The following HAO1 variants were observed in gnomAD, a reference collection of about 807,000 sequenced individuals.
HAO1 encodes 2-Hydroxyacid oxidase 1.
In HAO1, 34 loss-of-function variants were observed where a neutral mutation model predicts 39.7. The ratio of observed to expected loss-of-function variants is 0.86; its 90% confidence interval spans 0.65 to 1.14. The LOEUF (loss-of-function observed/expected upper bound fraction) is 1.14. Ranked by LOEUF, HAO1 falls within the 50% of genes most tolerant of loss-of-function variation. HAO1 has a pLI of 0.00. For missense variants in HAO1, 479 were observed against 464.5 expected (o/e 1.03, Z -0.29); for synonymous variants, 172 against 173.2 (o/e 0.99, Z 0.05).
chr20:7,936,547 T>TGTGTGTGTGTGTGC (rs751822933), intron 1 of HAO1, among the ~76,000 whole-genome samples: 10 of 136,738 alleles, frequency 7.3e-5, no homozygotes, highest in African/African-American at 2.8e-4. Context: ...TGTGTGTGTG[T>TGTGTGTGTGTGTGC]TCGCGCGCGC....
chr20:7,929,909 G>A (rs1458221865), intron 2 of HAO1, among the ~76,000 whole-genome samples: 2 of 152,054 alleles, frequency 1.3e-5, no homozygotes, highest in Non-Finnish European at 2.9e-5. Flanking sequence ...TTAATAAGGT[G>A]GATTATTATT....
At chr20:7,895,094 G>A (rs2050190357) in intron 5 of HAO1, 39 bp downstream of exon 5, 2 of 1,233,384 alleles carry the variant, frequency 1.6e-6, no homozygotes, top group South Asian at 1.2e-5. Flanking sequence ...ATGGAAATGG[G>A]AACTCCAAAA....
chr20:7,897,582 C>T lies in HAO1; in HGVS notation c.722-2358G>A, dbSNP rs1213449927. On this transcript the variant is annotated intron_variant, in intron 4 of 7. Coordinates refer to ENST00000378789, the MANE Select transcript of HAO1 (RefSeq NM_017545.3). ...ATCTTTGAGAGCTCTTTTTTATATT[C>T]GACTTCCCCTTTTTTAAAAAAATCA... Among the ~76,000 whole-genome samples, 3 of 151,846 alleles carry T rather than the reference C, an allele frequency of 2.0e-5. No homozygotes were observed. In the East Asian group the frequency reaches 5.8e-4, roughly 29 times the overall value.
intron 3 of HAO1, among the ~76,000 whole-genome samples, chr20:7,909,034 C>T (rs1478790552): frequency 2.0e-5 from 3 of 152,004 alleles, no homozygotes; most frequent in African/African-American, 4.8e-5. Context: ...CTGCATGGCA[C>T]CCCACCCCCA....
chr20:7,936,784 T>C (rs935708819), intron 1 of HAO1, among the ~76,000 whole-genome samples: 1 of 151,952 alleles, frequency 6.6e-6, no homozygotes, highest in Non-Finnish European at 1.5e-5. Context: ...TACGTAAAAT[T>C]AGATAAAATC....
intron 1 of HAO1, among the ~76,000 whole-genome samples, chr20:7,936,542 G>GTGTGTGTGTGTGTGTA (rs2050411564): frequency 6.7e-6 from 1 of 148,558 alleles, no homozygotes; most frequent in Admixed American, 6.6e-5. Context: ...GTGTGTGTGT[G>GTGTGTGTGTGTGTGTA]TGTGTTCGCG....
chr20:7,898,291 C>T (rs1201560125), intron 4 of HAO1, among the ~76,000 whole-genome samples: 1 of 152,164 alleles, frequency 6.6e-6, no homozygotes, highest in Non-Finnish European at 1.5e-5. Context: ...TAATCTACCC[C>T]TACCTCCTCT....
At chr20:7,911,830 C>T (rs2050281259) in intron 3 of HAO1, among the ~76,000 whole-genome samples, 1 of 152,228 alleles carries the variant, frequency 6.6e-6, no homozygotes, top group African/African-American at 2.4e-5. Flanking sequence ...TTCTATGAGT[C>T]AGGTCAGTTG....
chr20:7,887,190 A>G (rs972047235), intron 5 of HAO1, among the ~76,000 whole-genome samples: 1 of 152,216 alleles, frequency 6.6e-6, no homozygotes, highest in Non-Finnish European at 1.5e-5. Context: ...AATTAAAACA[A>G]TTTACAAGGT....
At chr20:7,895,536 TA>T (rs1293778545) in intron 4 of HAO1, among the ~76,000 whole-genome samples, 6 of 151,398 alleles carry the variant, frequency 4.0e-5, no homozygotes, top group Non-Finnish European at 8.8e-5. Flanking sequence ...TATTTTCAAT[TA>T]ATAAGATTAT....
intron 2 of HAO1, among the ~76,000 whole-genome samples, chr20:7,926,169 A>G (rs1458451596): frequency 6.6e-6 from 1 of 152,162 alleles, no homozygotes; most frequent in Admixed American, 6.6e-5. Context: ...AGTGAAACAG[A>G]CTTAGGTTCA....
chr20:7,885,853 C>A lies in HAO1; in HGVS notation c.825G>T (p.Leu275=). 2 of 1,613,228 alleles carry A rather than the reference C, an allele frequency of 1.2e-6. No homozygotes were observed. The highest frequency in any genetic ancestry group is 1.7e-6 in the Non-Finnish European group (2 of 1,179,416). Residue 275 remains leucine (L), a synonymous_variant, in exon 6 of 8, where the codon CTG becomes CTT. Coordinates refer to ENST00000378789, the MANE Select transcript of HAO1 (RefSeq NM_017545.3). ...CTTCCACAGCCTCCACAATTTCTGG[C>A]AGAACATCAATCTGGGGAAAGAAAA... ...LDGVPATIDV[L]PEIVEAVEGK...
At chr20:7,906,443 T>C in intron 3 of HAO1, 114 bp from the exon 4 acceptor site, 1 of 652,388 alleles carries the variant, frequency 1.5e-6, no homozygotes, top group Non-Finnish European at 2.7e-6. Context: ...TCACTGCTCA[T>C]TTATCTATAA....
At chr20:7,887,892 C>A (rs1368870451) in intron 5 of HAO1, among the ~76,000 whole-genome samples, 1 of 152,134 alleles carries the variant, frequency 6.6e-6, no homozygotes, top group South Asian at 2.1e-4. Flanking sequence ...TTTCAATCCT[C>A]CCTTTTTTCT....
At chr20:7,884,234 T>G (rs1178822961) in intron 7 of HAO1, among the ~76,000 whole-genome samples, 1 of 152,216 alleles carries the variant, frequency 6.6e-6, no homozygotes, top group Non-Finnish European at 1.5e-5. Flanking sequence ...TCAGCAAATA[T>G]GTATTGTTTG....
intron 2 of HAO1, among the ~76,000 whole-genome samples, chr20:7,922,239 C>T (rs1422888563): frequency 6.6e-6 from 1 of 152,022 alleles, no homozygotes; most frequent in African/African-American, 2.4e-5. Context: ...AAATTAAAAT[C>T]ATAATGAAGT....
At chr20:7,904,179 G>C (rs2050237085) in intron 4 of HAO1, among the ~76,000 whole-genome samples, 1 of 152,066 alleles carries the variant, frequency 6.6e-6, no homozygotes, top group Admixed American at 6.5e-5. Flanking sequence ...CCGTCTCTGT[G>C]ATTAACTGTC....
At chr20:7,885,324 G>A (rs1177027988) in intron 7 of HAO1, among the ~76,000 whole-genome samples, 197 bp downstream of exon 7, 3 of 152,128 alleles carry the variant, frequency 2.0e-5, no homozygotes, top group Non-Finnish European at 4.4e-5. Flanking sequence ...TAATAAAGCT[G>A]TGAAAAACAG....
chr20:7,929,059 TTTTGTTTG>T (rs10543894), intron 2 of HAO1, among the ~76,000 whole-genome samples: 21,609 of 150,732 alleles, frequency 0.14, 1,729 homozygotes, highest in East Asian at 0.24. Context: ...TTGCACTGTT[TTTTGTTTG>T]TTTGTTTGTT....
Sources: gnomAD v4.1 joint callset for allele counts (sites outside exome capture counted in the v4.1 genomes callset) on GRCh38, gnomAD v4.1.1 for gene constraint, MANE v1.5 for transcripts, NCBI Gene and HGNC (gene_info 2026-07-23, HGNC 2026-07-21) for gene names.